INSC: variants seen among roughly 807,000 people sequenced by gnomAD.
INSC encodes the protein INSC spindle orientation adaptor protein.
Under a neutral mutation model 58.6 loss-of-function variants are expected in INSC, and 67 were observed. The observed-to-expected ratio is 1.14, with a 90% CI of 0.94 to 1.40. INSC has a LOEUF of 1.40. Among genes scored for constraint, INSC ranks in the 40% most tolerant of loss-of-function variants. The pLI is 0.00. For missense variants in INSC, 714 were observed against 692.0 expected (o/e 1.03, Z -0.36); for synonymous variants, 262 against 276.1 (o/e 0.95, Z 0.51).
intron 4 of INSC, 127 bp downstream of exon 4, chr11:15,177,290 T>A: frequency 1.3e-6 from 1 of 743,328 alleles, no homozygotes; most frequent in Non-Finnish European, 2.3e-6. Context: ...GTTTCCTTTT[T>A]CTGACTTTTA....
rs759169427 is a variant in INSC at position 15,225,756 on chromosome 11, G to C, written c.1098G>C (p.Leu366Phe). The C allele has an allele frequency of 6.2e-7, 1 of 1,614,086 alleles. No individual in the cohort carries two copies. Reference sequence around the variant, plus strand: ...TGGCCTGCGAGATGCTCCTGCAGTTGAATGCCATCCGTGTTCTCCTGGAAG... The same window carrying C: ...TGGCCTGCGAGATGCTCCTGCAGTTCAATGCCATCCGTGTTCTCCTGGAAG... Reference protein sequence around the residue: ...DTMACEMLLQLNAIRVLLEAC... With the variant: ...DTMACEMLLQFNAIRVLLEAC... The change falls in exon 9 of 13, where the codon TTG becomes TTC. Residue 366 changes from leucine to phenylalanine, a missense_variant. Transcript: ENST00000379556.
At chr11:15,190,978 A>AT (rs5789865) in intron 6 of INSC, among the ~76,000 whole-genome samples, 164 bp downstream of exon 6, 1,702 of 128,626 alleles carry the variant, frequency 0.013, 22 homozygotes, top group African/African-American at 0.025. Context: ...TGGTGTGTGC[A>AT]TTTTTTTTTT....
At chr11:15,249,183 T>A (rs1325148925), downstream of INSC, among the ~76,000 whole-genome samples, 1 of 152,272 alleles carries the variant, frequency 6.6e-6, no homozygotes, top group African/African-American at 2.4e-5. Flanking sequence ...CAAGCCTCTT[T>A]AGAAGAGAGC....
rs550886850 is a variant in INSC at position 15,166,636 on chromosome 11, T to A, written c.57-9105T>A. On this transcript the variant is annotated intron_variant, in intron 2 of 12. Transcript: ENST00000379556. ...CCTTGCAAGTTTGGAAAATATTTTT[T>A]TCAAATAATCTGGCTTGGCAAGGCA... Among the ~76,000 whole-genome samples the A allele has an allele frequency of 1.1e-4, 17 of 152,318 alleles. No individual in the cohort carries two copies. In the South Asian group the frequency reaches 3.3e-3, roughly 30 times the overall value.
intron 2 of INSC, among the ~76,000 whole-genome samples, chr11:15,163,940 A>G (rs1488608693): frequency 6.6e-6 from 1 of 152,022 alleles, no homozygotes; most frequent in African/African-American, 2.4e-5. Context: ...TAATTTTTGC[A>G]TTTGATTTTA....
downstream of INSC, among the ~76,000 whole-genome samples, chr11:15,251,726 G>C (rs1450641963): frequency 1.3e-5 from 2 of 151,774 alleles, no homozygotes; most frequent in Admixed American, 1.3e-4. Flanking sequence ...GGGATGGTAT[G>C]GTGGGATGGT....
intron 7 of INSC, among the ~76,000 whole-genome samples, chr11:15,215,728 T>C (rs1243087836): frequency 6.6e-6 from 1 of 152,132 alleles, no homozygotes; most frequent in Non-Finnish European, 1.5e-5. Context: ...GCTTGGGGAA[T>C]GTGCATGTTA....
chr11:15,253,470 A>G, the INSC span, among the ~76,000 whole-genome samples: 8 of 152,250 alleles, frequency 5.3e-5, no homozygotes, highest in East Asian at 5.8e-4. Context: ...CCTCAGAATA[A>G]TTACTGTCCC....
At chr11:15,170,692 C>T (rs370147245) in intron 2 of INSC, among the ~76,000 whole-genome samples, 1 of 152,170 alleles carries the variant, frequency 6.6e-6, no homozygotes, top group African/African-American at 2.4e-5. Flanking sequence ...AAATGATTCA[C>T]TAAGTGTACC....
intron 9 of INSC, among the ~76,000 whole-genome samples, chr11:15,230,521 G>A (rs1851886987): frequency 6.6e-6 from 1 of 152,166 alleles, no homozygotes; most frequent in Middle Eastern, 3.4e-3. Flanking sequence ...CTCCCACCAG[G>A]CTCCACCTCT....
the INSC span, among the ~76,000 whole-genome samples, chr11:15,262,673 C>CACAT: frequency 4.6e-5 from 7 of 151,714 alleles, no homozygotes; most frequent in African/African-American, 1.7e-4. Flanking sequence ...CACACACACA[C>CACAT]ACACACACAC....
chr11:15,223,159 A>G lies in INSC; in HGVS notation c.991+1511A>G, dbSNP rs566121238. 3.3e-5 allele frequency among the ~76,000 whole-genome samples: 5 copies of G among 152,376 alleles called. No homozygotes were observed. In the East Asian group the frequency reaches 9.6e-4, roughly 29 times the overall value. On this transcript the variant is annotated intron_variant, in intron 8 of 12. Transcript: ENST00000379556. ...TTCAGTTGATTGTTACCATGTGGGA[A>G]AGGCATAGACTTTTAAAGATAAGAC... is the stretch of plus-strand genomic sequence containing the variant.
the INSC span, among the ~76,000 whole-genome samples, chr11:15,256,051 G>A: frequency 6.6e-6 from 1 of 152,108 alleles, no homozygotes; most frequent in African/African-American, 2.4e-5. Context: ...TTCTCACTTT[G>A]GTGCAAGCCA....
intron 7 of INSC, among the ~76,000 whole-genome samples, chr11:15,209,271 C>A (rs1205285470): frequency 6.6e-6 from 1 of 152,218 alleles, no homozygotes; most frequent in Non-Finnish European, 1.5e-5. Flanking sequence ...CTCTGAGCCC[C>A]ATTTCATCAC....
chr11:15,186,141 C>T (rs1238447066), intron 5 of INSC, among the ~76,000 whole-genome samples: 2 of 152,126 alleles, frequency 1.3e-5, no homozygotes, highest in Non-Finnish European at 2.9e-5. Context: ...TTGATGTTCC[C>T]GAATTCTGAG....
At chr11:15,135,761 C>T (rs1848230218) in intron 1 of INSC, among the ~76,000 whole-genome samples, 1 of 152,176 alleles carries the variant, frequency 6.6e-6, no homozygotes. Context: ...CCATTTTGTG[C>T]TGCTATAACA....
At chr11:15,205,318 G>C (rs1344491099) in intron 7 of INSC, among the ~76,000 whole-genome samples, 1 of 152,188 alleles carries the variant, frequency 6.6e-6, no homozygotes, top group East Asian at 1.9e-4. Context: ...CACTGAAGCA[G>C]CCTATTACAG....
In INSC at chr11:15,200,827, G is replaced by T. The variant is rs750739282; in HGVS notation, c.697G>T (p.Gly233Cys). Residue 233 changes from glycine to cysteine, a missense_variant, in exon 7 of 13, where the codon GGT becomes TGT. Physicochemically the swap from Gly to Cys is radical, Grantham distance 159. Transcript: ENST00000379556. Reference protein sequence around the residue: ...APLCRIIAKEGGVVALFKVCR... With the variant: ...APLCRIIAKECGVVALFKVCR... ...TGACATTTCTTTCTCTTGGCAGGAG[G>T]GTGGGGTCGTAGCACTCTTCAAGGT... is the stretch of plus-strand genomic sequence containing the variant. 1 of 1,614,020 alleles carries T rather than the reference G, an allele frequency of 6.2e-7. No homozygotes were observed. Among genetic ancestry groups the T allele is most frequent in the Non-Finnish European group, 8.5e-7 (1 of 1,179,998 alleles).
intron 1 of INSC, among the ~76,000 whole-genome samples, chr11:15,144,309 T>C (rs1025286957): frequency 6.6e-6 from 1 of 152,214 alleles, no homozygotes; most frequent in Non-Finnish European, 1.5e-5. Flanking sequence ...TTGCCCCATT[T>C]TACTGATGGG....
Sources: allele counts gnomAD v4.1 joint callset (sites outside exome capture counted in the v4.1 genomes callset), GRCh38; gene constraint gnomAD v4.1.1; transcripts MANE v1.5; gene names NCBI Gene and HGNC (gene_info 2026-07-23, HGNC 2026-07-21).